The following PTPRR variants were observed in gnomAD, a reference collection of about 807,000 sequenced individuals.
The protein encoded by PTPRR is receptor-type tyrosine-protein phosphatase R.
A neutral mutation model predicts 77.2 loss-of-function variants in PTPRR; 38 were observed. The ratio of observed to expected loss-of-function variants is 0.49; its 90% CI spans 0.38 to 0.65. PTPRR has a LOEUF of 0.65. Ranked by LOEUF, PTPRR falls within the 30% of genes least tolerant of loss-of-function variation. PTPRR has a pLI of 0.00. For missense variants in PTPRR, 744 were observed against 799.2 expected, an observed-to-expected ratio of 0.93 and a Z score of 0.83; for synonymous variants, 299 against 283.1, an observed-to-expected ratio of 1.06 and a Z score of -0.57.
intron 2 of PTPRR, among the ~76,000 whole-genome samples, chr12:70,844,267 G>A (rs942896315): frequency 6.6e-6 from 1 of 152,120 alleles, no homozygotes; most frequent in Admixed American, 6.5e-5. Flanking sequence ...TACATTTTGA[G>A]CCTGTTTTAT....
chr12:70,708,954 C>A (rs56957939), intron 6 of PTPRR, among the ~76,000 whole-genome samples: 2,424 of 151,958 alleles, frequency 0.016, 34 homozygotes, highest in East Asian at 0.085. Flanking sequence ...TAAATATATT[C>A]ATTTATTTGT....
chr12:70,673,190 T>C (rs111392094), intron 10 of PTPRR, among the ~76,000 whole-genome samples: 3 of 152,174 alleles, frequency 2.0e-5, no homozygotes, highest in Non-Finnish European at 2.9e-5. Flanking sequence ...CCCTATTGGA[T>C]TTCTTTAAAA....
At chr12:70,835,737 T>C (rs1892289549) in intron 2 of PTPRR, among the ~76,000 whole-genome samples, 1 of 152,166 alleles carries the variant, frequency 6.6e-6, no homozygotes, top group Non-Finnish European at 1.5e-5. Flanking sequence ...CTCTTGATTT[T>C]TCTTCAAATT....
chr12:70,826,577 A>G (rs1019242439), intron 2 of PTPRR, among the ~76,000 whole-genome samples: 2 of 152,230 alleles, frequency 1.3e-5, no homozygotes, highest in Non-Finnish European at 2.9e-5. Flanking sequence ...GGTTTTCCCC[A>G]AACAGTTCTA....
At chr12:70,771,554 G>T (rs1890978156) in intron 2 of PTPRR, among the ~76,000 whole-genome samples, 1 of 152,012 alleles carries the variant, frequency 6.6e-6, no homozygotes, top group Non-Finnish European at 1.5e-5. Flanking sequence ...AATAAAAGTT[G>T]ATTTTTTAAA....
intron 2 of PTPRR, among the ~76,000 whole-genome samples, chr12:70,858,005 C>T (rs1201021653): frequency 6.6e-6 from 1 of 151,980 alleles, no homozygotes; most frequent in Non-Finnish European, 1.5e-5. Context: ...TCAAGATGTG[C>T]CCCAGTTTCT....
intron 1 of PTPRR, among the ~76,000 whole-genome samples, chr12:70,908,420 A>G (rs190241549): frequency 6.6e-6 from 1 of 152,174 alleles, no homozygotes; most frequent in Non-Finnish European, 1.5e-5. Context: ...AAAACTTACA[A>G]TCGGCAGAAG....
In PTPRR at chr12:70,892,987, G is replaced by A; in HGVS notation, c.59-10C>T. 1 of 1,610,168 alleles carries A rather than the reference G, an allele frequency of 6.2e-7. No homozygotes were observed. Among genetic ancestry groups the A allele is most frequent in the Non-Finnish European group, 8.5e-7 (1 of 1,177,844 alleles). On this transcript the variant is annotated splice_polypyrimidine_tract_variant and intron_variant, in intron 1 of 13. Coordinates refer to ENST00000283228, the MANE Select transcript of PTPRR (RefSeq NM_002849.4). ...TTTCCTGAAAAGCACCCTGAAAGAG[G>A]GAAGAAGCAGAAACAATATCAAAGA...
At chr12:70,837,808 A>T (rs775020816) in intron 2 of PTPRR, among the ~76,000 whole-genome samples, 7 of 152,002 alleles carry the variant, frequency 4.6e-5, no homozygotes, top group Non-Finnish European at 1.0e-4. Flanking sequence ...GAGGTTGAAG[A>T]TTGGGGCTGA....
intron 2 of PTPRR, among the ~76,000 whole-genome samples, chr12:70,805,745 A>G (rs1891698928): frequency 6.6e-6 from 1 of 152,202 alleles, no homozygotes; most frequent in Non-Finnish European, 1.5e-5. Context: ...AGATAATATT[A>G]TTATTCCCAT....
At chr12:70,768,466 T>G (rs763695491) in intron 2 of PTPRR, among the ~76,000 whole-genome samples, 2 of 152,132 alleles carry the variant, frequency 1.3e-5, no homozygotes, top group Non-Finnish European at 1.5e-5. Flanking sequence ...CAGGAAGAAG[T>G]TGAATCTCTG....
At chr12:70,873,116 C>T (rs538310414) in intron 2 of PTPRR, among the ~76,000 whole-genome samples, 1 of 152,246 alleles carries the variant, frequency 6.6e-6, no homozygotes, top group South Asian at 2.1e-4. Context: ...TCTCATATTT[C>T]TTGGGGCTAT....
chr12:70,779,219 C>T (rs1033183871), intron 2 of PTPRR, among the ~76,000 whole-genome samples: 1 of 151,024 alleles, frequency 6.6e-6, no homozygotes, highest in African/African-American at 2.4e-5. Flanking sequence ...TCTTAAAATC[C>T]TGCAACAACT....
At chr12:70,765,591 CA>C (rs1565688020) in intron 2 of PTPRR, among the ~76,000 whole-genome samples, 1 of 152,206 alleles carries the variant, frequency 6.6e-6, no homozygotes, top group Non-Finnish European at 1.5e-5. Context: ...AGGGCACAGA[CA>C]AACAAAAAGA....
At position 70,728,528 on chromosome 12, in the gene PTPRR, AATATATATATAT is replaced by A. The variant is rs71068723; in HGVS notation, c.1007+17278_1007+17289del. On this transcript the variant is annotated intron_variant, in intron 6 of 13. Coordinates refer to ENST00000283228, the MANE Select transcript of PTPRR (RefSeq NM_002849.4). ...TATATGGCAAATATTCCAAAATCTGAATATATATATATATATATATATATATATATATATATG... is the reference window on the plus strand; with the variant it reads ...TATATGGCAAATATTCCAAAATCTGAATATATATATATATATATATATATG... Among the ~76,000 whole-genome samples, 75 of 80,136 alleles carry A rather than the reference AATATATATATAT, an allele frequency of 9.4e-4. 1 individual carries two copies. Among genetic ancestry groups the A allele is most frequent in the African/African-American group, 1.8e-3 (34 of 18,654 alleles). 52.6% of individuals were successfully genotyped at this position (80,136 alleles called of 152,430 possible). A position where few individuals can be genotyped will look rare whatever the true frequency, so the allele number is the denominator to read the frequency against.
chr12:70,834,325 G>A (rs1403951431), intron 2 of PTPRR, among the ~76,000 whole-genome samples: 1 of 152,142 alleles, frequency 6.6e-6, no homozygotes, highest in African/African-American at 2.4e-5. Context: ...AAAGCCTCAT[G>A]AATGACAATG....
rs1893842958 is a variant in PTPRR, at chr12:70,920,610, A to G, written c.-220T>C. 2 of 510,110 alleles carry G rather than the reference A, an allele frequency of 3.9e-6. No homozygotes were observed. The highest frequency in any genetic ancestry group is 7.1e-6 in the Non-Finnish European group (2 of 279,846). The allele number at this position is 510,110 out of a possible 1,614,324, so 31.6% of individuals were successfully genotyped here. ...GAAGAGCAGTAGGAGGTTGCGGGTA[A>G]GGGGAACAGAAGCGCTCAGAGGCGG... On this transcript the variant is annotated 5_prime_UTR_variant, in exon 1 of 14. Coordinates refer to ENST00000283228, the MANE Select transcript of PTPRR (RefSeq NM_002849.4).
rs202190339 is a variant in PTPRR, at chr12:70,761,538, C to G, written c.560G>C (p.Arg187Pro). Reference sequence around the variant, plus strand: ...ATGCAAAACATTGATATTAAGTGAACGAAGAACTTCCTCAGAGGGCAGAGC... The same window carrying G: ...ATGCAAAACATTGATATTAAGTGAAGGAAGAACTTCCTCAGAGGGCAGAGC... ...SDALPSEEVL[R>P]SLNINVLHQS... Residue 187 changes from arginine (R) to proline (P), a missense_variant, in exon 4 of 14, where the codon CGT (arginine) becomes CCT (proline). By Grantham distance (103) the Arg-to-Pro change is moderately radical. Coordinates refer to ENST00000283228, the MANE Select transcript of PTPRR (RefSeq NM_002849.4). 1.9e-6 allele frequency: 3 copies of G among 1,612,368 alleles called. No individual in the cohort carries two copies. The highest frequency in any genetic ancestry group is 2.5e-6 in the Non-Finnish European group (3 of 1,179,054).
chr12:70,794,254 A>G (rs185458600), intron 2 of PTPRR, among the ~76,000 whole-genome samples: 16 of 152,342 alleles, frequency 1.1e-4, no homozygotes, highest in Admixed American at 5.2e-4. Flanking sequence ...TACAGACCTA[A>G]TATGAGAATG....
Sources: allele counts gnomAD v4.1 joint callset (sites outside exome capture counted in the v4.1 genomes callset), GRCh38; gene constraint gnomAD v4.1.1; transcripts MANE v1.5; gene names NCBI Gene and HGNC (gene_info 2026-07-23, HGNC 2026-07-21).